Variants in RNF168 observed in about 807,000 individuals in gnomAD.
RNF168 encodes the protein E3 ubiquitin-protein ligase RNF168.
A neutral mutation model predicts 34.9 loss-of-function variants in RNF168; 34 were observed. The observed-to-expected ratio is 0.97, with a 90% CI of 0.74 to 1.30. RNF168 has a LOEUF of 1.30. RNF168 is among the 50% of genes most tolerant of loss of function. The pLI, the probability that RNF168 is intolerant of heterozygous loss-of-function variation, is 0.00. For missense variants in RNF168, 725 were observed against 682.5 expected, an observed-to-expected ratio of 1.06 and a Z score of -0.69; for synonymous variants, 264 against 254.7, an observed-to-expected ratio of 1.04 and a Z score of -0.35.
At chr3:196,487,339 G>T in intron 3 of RNF168, 60 bp downstream of exon 3, 1 of 1,362,862 alleles carries the variant, frequency 7.3e-7, no homozygotes, top group South Asian at 1.2e-5. Flanking sequence ...CCATGAGCGG[G>T]TTCTGCAGCA....
intron 1 of RNF168, among the ~76,000 whole-genome samples, chr3:196,492,494 G>A (rs12632592): frequency 0.26 from 38,867 of 152,100 alleles, 6,759 homozygotes; most frequent in East Asian, 0.81. Context: ...AAAAAGCCCA[G>A]GCAAGGTGCC....
At chr3:196,499,190 C>G (rs2108655406) in intron 1 of RNF168, among the ~76,000 whole-genome samples, 1 of 151,792 alleles carries the variant, frequency 6.6e-6, no homozygotes, top group Admixed American at 6.6e-5. Context: ...AAGAGAGAGA[C>G]ACAGAGGAGA....
intron 2 of RNF168, 53 bp from the exon 3 acceptor site, chr3:196,487,631 G>A: frequency 1.3e-6 from 2 of 1,497,060 alleles, no homozygotes; most frequent in Non-Finnish European, 1.9e-6. Context: ...TGGTATACTT[G>A]CAATATTTCA....
At chr3:196,474,221 G>C (rs573705165) in intron 5 of RNF168, among the ~76,000 whole-genome samples, 3 of 148,642 alleles carry the variant, frequency 2.0e-5, no homozygotes, top group South Asian at 2.1e-4. Context: ...TCCGCCTTCC[G>C]GGTTCAAGCA....
At chr3:196,501,023 GAC>G (rs1732871706) in intron 1 of RNF168, among the ~76,000 whole-genome samples, 1 of 152,248 alleles carries the variant, frequency 6.6e-6, no homozygotes, top group Admixed American at 6.5e-5. Flanking sequence ...GCAATTTTTT[GAC>G]ACACAGAGTT....
intron 4 of RNF168, among the ~76,000 whole-genome samples, chr3:196,478,761 G>A (rs1049757711): frequency 6.6e-6 from 1 of 150,456 alleles, no homozygotes; most frequent in African/African-American, 2.5e-5. Flanking sequence ...CTGCCTCCCG[G>A]GTTTAAGCAA....
Position 196,475,299 on chromosome 3 carries a change from T to G in RNF168, c.694A>C (p.Lys232Gln), listed in dbSNP as rs1447217470. The change falls in exon 5 of 6, where the codon AAA (lysine) becomes CAA (glutamine). Residue 232 changes from lysine (K) to glutamine (Q), a missense_variant. Lys to Gln is a moderately conservative substitution (Grantham distance 53, BLOSUM62 1). Coordinates refer to ENST00000318037, the MANE Select transcript of RNF168 (RefSeq NM_152617.4). ...TGDIQKYLTP[K>Q]SQFGSASHSE... ...TGTGAGGCTGACCCAAACTGAGATT[T>G]CGGTGTCAAATACCTAAAAGAAAAG... 1 of 1,608,438 alleles carries G rather than the reference T, an allele frequency of 6.2e-7. No homozygotes were observed. The highest frequency in any genetic ancestry group is 8.5e-7 in the Non-Finnish European group (1 of 1,174,814).
rs751489827 is a variant in RNF168 at position 196,471,981 on chromosome 3, A to G, written c.1554T>C (p.Asn518=). 2 of 1,614,058 alleles carry G rather than the reference A, an allele frequency of 1.2e-6. No individual in the cohort carries two copies. Among genetic ancestry groups the G allele is most frequent in the Non-Finnish European group, 1.7e-6 (2 of 1,180,002 alleles). ...ACTGCATCTTTAAAGACACTTGCCT[A>G]TTTTTGTCCCTTGAGCCTCTCTCTG... is the stretch of plus-strand genomic sequence containing the variant. The part of the protein sequence containing the change: ...PTPERGSRDK[N]RQVSLKMQLK... Residue 518 remains asparagine, a synonymous_variant, in exon 6 of 6, where the codon AAT becomes AAC. Coordinates refer to ENST00000318037, the MANE Select transcript of RNF168 (RefSeq NM_152617.4).
chr3:196,489,532 G>T (rs1468051314), intron 1 of RNF168, among the ~76,000 whole-genome samples: 1 of 151,866 alleles, frequency 6.6e-6, no homozygotes, highest in Non-Finnish European at 1.5e-5. Flanking sequence ...TTGCCATGTT[G>T]GCCAGGCTGG....
intron 1 of RNF168, among the ~76,000 whole-genome samples, chr3:196,502,030 T>C (rs913966192): frequency 2.6e-5 from 2 of 76,658 alleles, no homozygotes; most frequent in Admixed American, 1.9e-4. Context: ...CAGGTACACA[T>C]ATAACTGTGA....
chr3:196,502,864 T>C lies in RNF168; in HGVS notation c.301+9A>G. The C allele has an allele frequency of 1.2e-6, 2 of 1,611,686 alleles. No individual in the cohort carries two copies. Among genetic ancestry groups the C allele is most frequent in the Non-Finnish European group, 1.7e-6 (2 of 1,177,856 alleles). ...CTTTTGGCCAACAAACACGCCATGGTTTACTCACCCACTTCCTCTGATTCT... is the reference window on the plus strand; with the variant it reads ...CTTTTGGCCAACAAACACGCCATGGCTTACTCACCCACTTCCTCTGATTCT... On this transcript the variant is annotated intron_variant, in intron 1 of 5. Transcript: ENST00000318037.
At position 196,470,190 on chromosome 3, in the gene RNF168, C is replaced by T. The variant is rs1056643334; in HGVS notation, c.*1629G>A. ...CCTCATCTGGACCCATTTCTCACCA[C>T]CCAATCAGTTTCAATGATCCAGACT... On this transcript the variant is annotated 3_prime_UTR_variant, in exon 6 of 6. Transcript: ENST00000318037. 2.0e-5 allele frequency: 3 copies of T among 151,562 alleles called. No individual in the cohort carries two copies. Among genetic ancestry groups the T allele is most frequent in the Non-Finnish European group, 4.4e-5 (3 of 68,170 alleles). The allele number at this position is 151,562 out of a possible 1,614,324, so 9.4% of individuals were successfully genotyped here. A position where few individuals can be genotyped will look rare whatever the true frequency, so the allele number is the denominator to read the frequency against.
chr3:196,494,748 G>T (rs1261982232), intron 1 of RNF168, among the ~76,000 whole-genome samples: 1 of 152,128 alleles, frequency 6.6e-6, no homozygotes, highest in African/African-American at 2.4e-5. Context: ...GCAATCAGGG[G>T]CAAAGTGCTC....
chr3:196,477,050 A>ATCTT (rs2108646079), intron 4 of RNF168, among the ~76,000 whole-genome samples: 1 of 152,322 alleles, frequency 6.6e-6, no homozygotes, highest in South Asian at 2.1e-4. Context: ...ACCTGGTCAT[A>ATCTT]TCTTTACATT....
intron 1 of RNF168, among the ~76,000 whole-genome samples, chr3:196,501,113 C>T (rs1255133595): frequency 6.6e-6 from 1 of 152,194 alleles, no homozygotes; most frequent in Non-Finnish European, 1.5e-5. Flanking sequence ...CTGGAAACTT[C>T]GTACTCTGCT....
rs555610746 is a variant in RNF168, at chr3:196,468,863, T to C, written c.*2956A>G. The C allele has an allele frequency of 4.6e-5, 7 of 152,166 alleles. No homozygotes were observed. Among genetic ancestry groups the C allele is most frequent in the Non-Finnish European group, 1.0e-4 (7 of 68,034 alleles). The allele number at this position is 152,166 out of a possible 1,614,324, so 9.4% of individuals were successfully genotyped here. The stretch of plus-strand genomic sequence containing the variant: ...CTCCCTGAGAAATTCAGTGTTTGCA[T>C]ATCCTTTCCACAAAAATGAGAGGAA... On this transcript the variant is annotated 3_prime_UTR_variant, in exon 6 of 6. Transcript: ENST00000318037.
intron 3 of RNF168, among the ~76,000 whole-genome samples, chr3:196,484,801 T>G (rs571815355): frequency 2.4e-4 from 36 of 151,670 alleles, no homozygotes; most frequent in Middle Eastern, 3.5e-3. Flanking sequence ...CACAGGCATG[T>G]GCCACCATGC....
intron 1 of RNF168, among the ~76,000 whole-genome samples, chr3:196,501,818 T>C (rs1273676045): frequency 3.3e-5 from 5 of 151,934 alleles, no homozygotes; most frequent in African/African-American, 4.8e-5. Context: ...CCTCAACTCC[T>C]GGGTTCAAGA....
intron 4 of RNF168, among the ~76,000 whole-genome samples, chr3:196,480,282 C>T (rs1489795093): frequency 6.6e-6 from 1 of 152,134 alleles, no homozygotes; most frequent in Non-Finnish European, 1.5e-5. Flanking sequence ...GTTTAAAAAT[C>T]TGTATTACCA....
Sources: allele counts gnomAD v4.1 joint callset (sites outside exome capture counted in the v4.1 genomes callset), GRCh38; gene constraint gnomAD v4.1.1; transcripts MANE v1.5; gene names NCBI Gene and HGNC (gene_info 2026-07-23, HGNC 2026-07-21).